CEP112: variants seen among roughly 807,000 people sequenced by gnomAD.
CEP112 encodes the protein centrosomal protein of 112 kDa.
CEP112 carries 127 observed loss-of-function variants against 153.0 expected under a neutral mutation model. The observed-to-expected ratio is 0.83, with a 90% CI of 0.72 to 0.96. The LOEUF is 0.96. Among genes scored for constraint, CEP112 ranks in the 40% least tolerant of loss-of-function variants. The pLI, the probability that CEP112 is intolerant of heterozygous loss-of-function variation, is 0.00. For synonymous variants in CEP112, 358 were observed against 374.4 expected, an observed-to-expected ratio of 0.96 and a Z score of 0.51; for missense variants, 1,089 against 1,101.2, an observed-to-expected ratio of 0.99 and a Z score of 0.16.
chr17:65,679,996 G>C (rs1443731732), intron 24 of CEP112, among the ~76,000 whole-genome samples: 1 of 152,248 alleles, frequency 6.6e-6, no homozygotes, highest in Non-Finnish European at 1.5e-5. Context: ...GGAATCAGCA[G>C]AATGCTAAGT....
chr17:65,875,219 T>G (rs971158907), intron 20 of CEP112, among the ~76,000 whole-genome samples: 1 of 152,072 alleles, frequency 6.6e-6, no homozygotes, highest in African/African-American at 2.4e-5. Context: ...AGAATATAAT[T>G]CTTTGGAACA....
At chr17:65,888,959 A>G (rs902245214) in intron 20 of CEP112, among the ~76,000 whole-genome samples, 2 of 152,148 alleles carry the variant, frequency 1.3e-5, no homozygotes, top group Non-Finnish European at 2.9e-5. Context: ...TCCTGTCAGA[A>G]TTGAGTTTGT....
At chr17:65,841,847 C>A (rs2057530101) in intron 21 of CEP112, among the ~76,000 whole-genome samples, 1 of 151,634 alleles carries the variant, frequency 6.6e-6, no homozygotes, top group East Asian at 1.9e-4. Flanking sequence ...AACACACATA[C>A]AACAAAAAAC....
intron 23 of CEP112, among the ~76,000 whole-genome samples, chr17:65,742,593 T>A (rs2051199509): frequency 6.6e-6 from 1 of 152,224 alleles, no homozygotes; most frequent in Non-Finnish European, 1.5e-5. Flanking sequence ...GCAACACATC[T>A]ATCCTGTACT....
chr17:65,821,736 G>A (rs140192723), intron 21 of CEP112, among the ~76,000 whole-genome samples: 1 of 150,310 alleles, frequency 6.7e-6, no homozygotes, highest in Non-Finnish European at 1.5e-5. Context: ...ATTTTTAGTA[G>A]AGATGAGGTT....
rs75746745 is a variant in CEP112 at position 66,097,244 on chromosome 17, C to T, written c.643-612G>A. 1.5e-4 allele frequency among the ~76,000 whole-genome samples: 23 copies of T among 152,296 alleles called. No homozygotes were observed. In the East Asian group the frequency reaches 4.4e-3, roughly 29 times the overall value. On this transcript the variant is annotated intron_variant, in intron 6 of 26. Transcript: ENST00000535342. ...ACTATACTGTCTCCCATGTCTGAGTCTTTGCAACCTGTAAGATCATTCCCC... is the reference window on the plus strand; with the variant it reads ...ACTATACTGTCTCCCATGTCTGAGTTTTTGCAACCTGTAAGATCATTCCCC...
At chr17:65,994,388 C>T (rs982016058) in intron 17 of CEP112, among the ~76,000 whole-genome samples, 5 of 152,078 alleles carry the variant, frequency 3.3e-5, no homozygotes, top group East Asian at 1.9e-4. Flanking sequence ...AGTATGGTGG[C>T]GTGGTCATAG....
chr17:65,786,346 A>G (rs183167138), intron 21 of CEP112, among the ~76,000 whole-genome samples: 80 of 151,900 alleles, frequency 5.3e-4, no homozygotes, highest in African/African-American at 1.9e-3. Flanking sequence ...TTCTGTACAC[A>G]AGATTTTGTC....
chr17:66,145,498 C>T (rs2070882693), intron 4 of CEP112, among the ~76,000 whole-genome samples: 1 of 152,088 alleles, frequency 6.6e-6, no homozygotes. Flanking sequence ...AAACTCTATA[C>T]TTTTAGCATT....
At chr17:65,691,725 T>G (rs531205147) in intron 23 of CEP112, among the ~76,000 whole-genome samples, 1 of 152,326 alleles carries the variant, frequency 6.6e-6, no homozygotes, top group African/African-American at 2.4e-5. Flanking sequence ...CTTTCATAGC[T>G]ACCAACAAAT....
At chr17:65,882,461 A>T (rs1289858304) in intron 20 of CEP112, among the ~76,000 whole-genome samples, 1 of 152,240 alleles carries the variant, frequency 6.6e-6, no homozygotes, top group Non-Finnish European at 1.5e-5. Context: ...TGGAGATTTA[A>T]TGACCATCTC....
chr17:65,746,473 T>C (rs770859430), intron 22 of CEP112, among the ~76,000 whole-genome samples: 3 of 152,128 alleles, frequency 2.0e-5, no homozygotes, highest in Non-Finnish European at 2.9e-5. Context: ...GATACGGATA[T>C]GGAACAGTAA....
intron 24 of CEP112, among the ~76,000 whole-genome samples, chr17:65,657,153 C>T (rs1036728417): frequency 1.3e-5 from 2 of 152,222 alleles, no homozygotes; most frequent in Non-Finnish European, 1.5e-5. Flanking sequence ...CTCCAGTTTA[C>T]TCACTATCAG....
intron 17 of CEP112, among the ~76,000 whole-genome samples, chr17:65,965,378 T>C (rs917414843): frequency 6.6e-6 from 1 of 152,134 alleles, no homozygotes; most frequent in African/African-American, 2.4e-5. Context: ...TGGTTTCCAG[T>C]CCCGCCATAC....
At chr17:66,078,263 CTTTTTT>C (rs573290197) in intron 8 of CEP112, among the ~76,000 whole-genome samples, 30 of 83,866 alleles carry the variant, frequency 3.6e-4, no homozygotes, top group African/African-American at 9.7e-4. Flanking sequence ...TTTTCTTTTT[CTTTTTT>C]TTTTTTTTGA....
At chr17:66,137,432 C>T (rs1323632561) in intron 4 of CEP112, among the ~76,000 whole-genome samples, 1 of 151,740 alleles carries the variant, frequency 6.6e-6, no homozygotes, top group Non-Finnish European at 1.5e-5. Context: ...AAGAACTAAT[C>T]TGAAGAGAAA....
At chr17:65,870,082 A>AAAAGAAAGAAAGAAAG (rs1201998714) in intron 20 of CEP112, among the ~76,000 whole-genome samples, 1 of 73,256 alleles carries the variant, frequency 1.4e-5, no homozygotes, top group Non-Finnish European at 3.6e-5. Flanking sequence ...AGAAAGAAAG[A>AAAAGAAAGAAAGAAAG]AAAGAAAGAA....
intron 21 of CEP112, chr17:65,826,087 T>G: frequency 6.3e-7 from 1 of 1,580,708 alleles, no homozygotes; most frequent in Non-Finnish European, 8.7e-7. Context: ...TGAGATTTAT[T>G]TTTTCAGCAA....
intron 19 of CEP112, among the ~76,000 whole-genome samples, chr17:65,910,559 G>A (rs2060247500): frequency 6.6e-6 from 1 of 151,990 alleles, no homozygotes; most frequent in Admixed American, 6.6e-5. Flanking sequence ...AGGATAACAA[G>A]ATAAAACAAC....
Sources: allele counts gnomAD v4.1 joint callset (sites outside exome capture counted in the v4.1 genomes callset), GRCh38; gene constraint gnomAD v4.1.1; transcripts MANE v1.5; gene names NCBI Gene and HGNC (gene_info 2026-07-23, HGNC 2026-07-21).